The following TMEM108 variants were observed in gnomAD, a reference collection of about 807,000 sequenced individuals.
TMEM108 encodes cancer/testis antigen 124.
In TMEM108, 12 loss-of-function variants were observed where a neutral mutation model predicts 35.1. The ratio of observed to expected loss-of-function variants is 0.34; its 90% CI spans 0.22 to 0.55. The LOEUF (loss-of-function observed/expected upper bound fraction) is 0.55. Among genes scored for constraint, TMEM108 ranks in the 20% least tolerant of loss-of-function variants. The pLI is 0.89. For synonymous variants in TMEM108, 287 were observed against 308.6 expected, an observed-to-expected ratio of 0.93 and a Z score of 0.73; for missense variants, 680 against 753.3, an observed-to-expected ratio of 0.90 and a Z score of 1.14.
intron 5 of TMEM108, among the ~76,000 whole-genome samples, chr3:133,390,626 C>T (rs140536252): frequency 1.4e-4 from 21 of 152,292 alleles, no homozygotes; most frequent in Non-Finnish European, 2.9e-4. Flanking sequence ...CTGTTTTGTG[C>T]CGAGCACTCC....
chr3:133,078,140 AGT>A (rs745912251), intron 2 of TMEM108, among the ~76,000 whole-genome samples: 8 of 106,196 alleles, frequency 7.5e-5, no homozygotes, highest in Admixed American at 5.5e-4. Flanking sequence ...TATGGAGCTC[AGT>A]GTGTGTGTGT....
At chr3:133,256,242 G>GCACGA (rs1372007994) in intron 3 of TMEM108, among the ~76,000 whole-genome samples, 3 of 152,158 alleles carry the variant, frequency 2.0e-5, no homozygotes, top group South Asian at 2.1e-4. Flanking sequence ...AATCATTAAA[G>GCACGA]CACGAGGGTA....
intron 2 of TMEM108, among the ~76,000 whole-genome samples, chr3:133,156,404 T>C (rs983188251): frequency 2.0e-5 from 3 of 152,202 alleles, no homozygotes; most frequent in African/African-American, 7.2e-5. Flanking sequence ...TAATGAATAG[T>C]ACAAATAACA....
intron 2 of TMEM108, among the ~76,000 whole-genome samples, chr3:133,071,068 T>A (rs1943670161): frequency 6.6e-6 from 1 of 152,078 alleles, no homozygotes; most frequent in South Asian, 2.1e-4. Flanking sequence ...GCAAAATGTG[T>A]TCAGTAGGAA....
chr3:133,253,496 C>T (rs973953623), intron 3 of TMEM108: 9 of 152,162 alleles, frequency 5.9e-5, no homozygotes, highest in African/African-American at 1.9e-4. Flanking sequence ...ATCAGATCTG[C>T]ACACTGGAAT....
At chr3:133,302,555 G>A (rs1576442855) in intron 3 of TMEM108, among the ~76,000 whole-genome samples, 2 of 151,032 alleles carry the variant, frequency 1.3e-5, no homozygotes, top group Admixed American at 6.6e-5. Flanking sequence ...CCGAGTAGCT[G>A]GGACTACAGG....
chr3:133,238,532 C>T (rs532476130), intron 3 of TMEM108, among the ~76,000 whole-genome samples: 2 of 152,300 alleles, frequency 1.3e-5, no homozygotes, highest in South Asian at 4.1e-4. Flanking sequence ...GGGAAATGTA[C>T]TTTCTGAGCC....
At chr3:133,388,708 T>C in intron 4 of TMEM108, 1 of 985,450 alleles carries the variant, frequency 1.0e-6, no homozygotes, top group Non-Finnish European at 1.2e-6. Context: ...CAGAGACCTT[T>C]CCAGGTTGAG....
In TMEM108 at chr3:133,378,002, C is replaced by T. The variant is rs532580032; in HGVS notation, c.41-1750C>T. Among the ~76,000 whole-genome samples, 86 of 150,784 alleles carry T rather than the reference C, an allele frequency of 5.7e-4. 1 individual carries two copies. The highest frequency in any genetic ancestry group is 1.7e-3 in the African/African-American group (71 of 41,152). On this transcript the variant is annotated intron_variant, in intron 3 of 5. Transcript: ENST00000321871. ...TTTCATCCCAAAACCATACCCCCCCCGACCAACTCCAGTCCATGGAAAAAC... is the reference window on the plus strand; with the variant it reads ...TTTCATCCCAAAACCATACCCCCCCTGACCAACTCCAGTCCATGGAAAAAC...
intron 3 of TMEM108, among the ~76,000 whole-genome samples, chr3:133,253,140 C>T (rs1344576620): frequency 1.3e-5 from 2 of 152,138 alleles, no homozygotes; most frequent in Admixed American, 6.5e-5. Context: ...TGGGACCAGT[C>T]CCTCAAGTAT....
chr3:133,363,514 T>C (rs985978276), intron 3 of TMEM108, among the ~76,000 whole-genome samples: 4 of 151,892 alleles, frequency 2.6e-5, no homozygotes. Flanking sequence ...CAAGCGATCC[T>C]CCCACCTCAG....
intron 2 of TMEM108, among the ~76,000 whole-genome samples, chr3:133,189,183 A>G (rs1170137395): frequency 6.6e-6 from 1 of 152,196 alleles, no homozygotes; most frequent in Non-Finnish European, 1.5e-5. Flanking sequence ...GTCCCAGAGA[A>G]ATCTACCTGT....
chr3:133,168,858 C>T (rs896968885), intron 2 of TMEM108, among the ~76,000 whole-genome samples: 1 of 152,224 alleles, frequency 6.6e-6, no homozygotes, highest in Middle Eastern at 3.4e-3. Context: ...CTGAGGCCAG[C>T]GAGACCACAA....
At chr3:133,233,374 A>C (rs1559876722) in intron 3 of TMEM108, among the ~76,000 whole-genome samples, 1 of 151,774 alleles carries the variant, frequency 6.6e-6, no homozygotes, top group Non-Finnish European at 1.5e-5. Flanking sequence ...TAAACTCATC[A>C]TTTTTTATGG....
intron 2 of TMEM108, among the ~76,000 whole-genome samples, chr3:133,090,481 T>C (rs747402957): frequency 6.6e-6 from 1 of 152,276 alleles, no homozygotes; most frequent in Non-Finnish European, 1.5e-5. Context: ...CCATCTCAGC[T>C]GTAGGCAGAC....
At chr3:133,141,516 G>A (rs1944640663) in intron 2 of TMEM108, among the ~76,000 whole-genome samples, 1 of 152,156 alleles carries the variant, frequency 6.6e-6, no homozygotes, top group African/African-American at 2.4e-5. Context: ...GACGCTACCT[G>A]TCCATGGGAT....
chr3:133,299,739 A>G (rs1170123804), intron 3 of TMEM108, among the ~76,000 whole-genome samples: 5 of 152,178 alleles, frequency 3.3e-5, no homozygotes, highest in Non-Finnish European at 7.3e-5. Context: ...GAGCCAGGCC[A>G]TCATACGTCT....
At chr3:133,156,864 C>CT (rs1228366526) in intron 2 of TMEM108, among the ~76,000 whole-genome samples, 1 of 152,130 alleles carries the variant, frequency 6.6e-6, no homozygotes. Flanking sequence ...TTGTTTTCCC[C>CT]TTTTTTTCTC....
chr3:133,228,786 C>T (rs1946110841), intron 2 of TMEM108, among the ~76,000 whole-genome samples: 3 of 151,942 alleles, frequency 2.0e-5, no homozygotes, highest in South Asian at 4.2e-4. Flanking sequence ...TCTAAATAAT[C>T]CATACCAGAA....
Sources: allele counts gnomAD v4.1 joint callset (sites outside exome capture counted in the v4.1 genomes callset), GRCh38; gene constraint gnomAD v4.1.1; transcripts MANE v1.5; gene names NCBI Gene and HGNC (gene_info 2026-07-23, HGNC 2026-07-21).